The following NEGR1 variants were observed in gnomAD, a reference collection of about 807,000 sequenced individuals.
The protein encoded by NEGR1 is neuronal growth regulator 1.
A neutral mutation model predicts 40.9 loss-of-function variants in NEGR1; 10 were observed. The ratio of observed to expected loss-of-function variants is 0.24; its 90% CI spans 0.15 to 0.42. NEGR1 has a LOEUF of 0.42. NEGR1 is among the 10% of genes least tolerant of loss of function. The pLI, the probability that NEGR1 is intolerant of heterozygous loss-of-function variation, is 1.00. For missense variants in NEGR1, 352 were observed against 438.9 expected (o/e 0.80, Z 1.77); for synonymous variants, 185 against 166.8 (o/e 1.11, Z -0.84).
chr1:71,506,327 T>C (rs1647034729), intron 6 of NEGR1, among the ~76,000 whole-genome samples: 1 of 152,104 alleles, frequency 6.6e-6, no homozygotes, highest in Non-Finnish European at 1.5e-5. Flanking sequence ...GGCTTGGCCC[T>C]TGGGGCGCTC....
intron 1 of NEGR1, among the ~76,000 whole-genome samples, chr1:72,276,511 A>T (rs1656051908): frequency 6.6e-6 from 1 of 152,144 alleles, no homozygotes; most frequent in Admixed American, 6.5e-5. Context: ...CACACATAAG[A>T]ACGTTATATA....
chr1:72,238,893 A>G lies in NEGR1; in HGVS notation c.176+43426T>C, dbSNP rs115353241. Among the ~76,000 whole-genome samples, 1,408 of 151,992 alleles carry G rather than the reference A, an allele frequency of 9.3e-3. 15 individuals are homozygous for G. The highest frequency in any genetic ancestry group is 0.015 in the Non-Finnish European group (997 of 67,866). On this transcript the variant is annotated intron_variant, in intron 1 of 6. Coordinates refer to ENST00000357731, the MANE Select transcript of NEGR1 (RefSeq NM_173808.3). The stretch of plus-strand genomic sequence containing the variant: ...AAGCTGTGGCACAGAAGAACTTTCA[A>G]TGTGCCTCATACCAGGGAACCGGGG...
intron 3 of NEGR1, among the ~76,000 whole-genome samples, chr1:71,714,707 T>C (rs148947525): frequency 1.3e-5 from 2 of 152,330 alleles, no homozygotes; most frequent in Non-Finnish European, 2.9e-5. Flanking sequence ...ATGTCTCTCA[T>C]CCAGACCATG....
intron 3 of NEGR1, among the ~76,000 whole-genome samples, chr1:71,744,271 T>A (rs1655309740): frequency 7.7e-6 from 1 of 129,440 alleles, no homozygotes; most frequent in African/African-American, 3.1e-5. Context: ...AATAATATGT[T>A]TATGACAAAT....
At chr1:71,412,150 C>T (rs769269894) in intron 6 of NEGR1, among the ~76,000 whole-genome samples, 7 of 152,158 alleles carry the variant, frequency 4.6e-5, no homozygotes, top group Admixed American at 1.3e-4. Flanking sequence ...TCAGGGACCT[C>T]TGCCATCTGG....
rs555186173 is a variant in NEGR1 at position 71,751,468 on chromosome 1, T to C, written c.535+24704A>G. The stretch of plus-strand genomic sequence containing the variant: ...AGGATGTCTCTGAAAACCAATACTA[T>C]TAAATCACACATTTCCCCATTGTTT... On this transcript the variant is annotated intron_variant, in intron 3 of 6. Transcript: ENST00000357731. 6.6e-5 allele frequency among the ~76,000 whole-genome samples: 10 copies of C among 152,324 alleles called. No individual in the cohort carries two copies. The South Asian group carries it at 1.7e-3, about 25-fold the overall frequency.
At chr1:71,736,414 C>T (rs1464908942) in intron 3 of NEGR1, among the ~76,000 whole-genome samples, 1 of 152,076 alleles carries the variant, frequency 6.6e-6, no homozygotes, top group African/African-American at 2.4e-5. Context: ...TAAATACCTA[C>T]TTTACGGTTA....
chr1:72,066,279 C>T (rs1569905121), intron 1 of NEGR1, among the ~76,000 whole-genome samples: 1 of 152,146 alleles, frequency 6.6e-6, no homozygotes, highest in Admixed American at 6.6e-5. Context: ...TGGCCTAGAT[C>T]CATGGATTTA....
At chr1:71,680,701 C>T (rs578121714) in intron 4 of NEGR1, among the ~76,000 whole-genome samples, 15 of 152,226 alleles carry the variant, frequency 9.9e-5, no homozygotes, top group African/African-American at 3.1e-4. Context: ...GCTCTCCTTC[C>T]GTCTTCAGTG....
intron 1 of NEGR1, among the ~76,000 whole-genome samples, chr1:72,244,690 T>C (rs1557595535): frequency 6.6e-6 from 1 of 152,012 alleles, no homozygotes; most frequent in African/African-American, 2.4e-5. Flanking sequence ...CTGTATCTCC[T>C]GTTAGGCTCC....
At chr1:72,041,650 T>C (rs1053458937) in intron 1 of NEGR1, among the ~76,000 whole-genome samples, 8 of 150,256 alleles carry the variant, frequency 5.3e-5, no homozygotes, top group East Asian at 3.9e-4. Flanking sequence ...CTTGTGGGTA[T>C]AAAATGATTT....
At chr1:71,449,271 G>A (rs973403426) in intron 6 of NEGR1, among the ~76,000 whole-genome samples, 3 of 152,120 alleles carry the variant, frequency 2.0e-5, no homozygotes, top group Non-Finnish European at 4.4e-5. Flanking sequence ...AATTAAAATG[G>A]CTAACCTCAC....
chr1:71,702,217 A>T (rs1204235400), intron 3 of NEGR1, among the ~76,000 whole-genome samples: 1 of 152,068 alleles, frequency 6.6e-6, no homozygotes, highest in Admixed American at 6.6e-5. Context: ...TCTTCCATTT[A>T]TACATTCATT....
intron 6 of NEGR1, among the ~76,000 whole-genome samples, chr1:71,452,774 A>C (rs1372513339): frequency 6.7e-6 from 1 of 149,832 alleles, no homozygotes; most frequent in East Asian, 2.0e-4. Context: ...AAGAAAGTGC[A>C]TTAAAAGTAC....
intron 6 of NEGR1, among the ~76,000 whole-genome samples, chr1:71,551,573 C>A (rs1004430886): frequency 1.3e-5 from 2 of 151,578 alleles, no homozygotes; most frequent in East Asian, 3.9e-4. Flanking sequence ...GTTTAGACAG[C>A]TATACAATGA....
chr1:71,919,019 A>C (rs1226698243), intron 2 of NEGR1, among the ~76,000 whole-genome samples: 3 of 152,158 alleles, frequency 2.0e-5, no homozygotes, highest in Non-Finnish European at 4.4e-5. Context: ...CAAAAATATA[A>C]ATAGATGCAT....
chr1:71,463,558 C>T (rs1646727317), intron 6 of NEGR1: 1 of 152,076 alleles, frequency 6.6e-6, no homozygotes, highest in Non-Finnish European at 1.5e-5. Context: ...CCTGTGCAAC[C>T]CTGATGTAAT....
At chr1:71,535,701 C>A (rs1477694666) in intron 6 of NEGR1, among the ~76,000 whole-genome samples, 2 of 151,518 alleles carry the variant, frequency 1.3e-5, no homozygotes, top group Non-Finnish European at 3.0e-5. Flanking sequence ...AAAGTGAGAT[C>A]AAAACAAAGA....
chr1:71,540,646 G>T (rs1363548245), intron 6 of NEGR1, among the ~76,000 whole-genome samples: 1 of 151,698 alleles, frequency 6.6e-6, no homozygotes, highest in Non-Finnish European at 1.5e-5. Context: ...GAATCTAAAA[G>T]GGGATTTGGC....
Sources: gnomAD v4.1 joint callset for allele counts (sites outside exome capture counted in the v4.1 genomes callset) on GRCh38, gnomAD v4.1.1 for gene constraint, MANE v1.5 for transcripts, NCBI Gene and HGNC (gene_info 2026-07-23, HGNC 2026-07-21) for gene names.